The following SUCLG2 variants were observed in gnomAD, a reference collection of about 807,000 sequenced individuals.
The protein encoded by SUCLG2 is succinate-CoA ligase GDP-forming subunit beta.
Under a neutral mutation model 47.9 loss-of-function variants are expected in SUCLG2, and 42 were observed. The ratio of observed to expected loss-of-function variants is 0.88; its 90% CI spans 0.69 to 1.14. The LOEUF (loss-of-function observed/expected upper bound fraction) is 1.14. Among genes scored for constraint, SUCLG2 ranks in the 50% most tolerant of loss-of-function variants. SUCLG2 has a pLI of 0.00. For synonymous variants in SUCLG2, 195 were observed against 197.3 expected, an observed-to-expected ratio of 0.99 and a Z score of 0.10; for missense variants, 571 against 525.9, an observed-to-expected ratio of 1.09 and a Z score of -0.84.
intron 9 of SUCLG2, among the ~76,000 whole-genome samples, chr3:67,423,443 C>T (rs1703221404): frequency 6.6e-6 from 1 of 152,110 alleles, no homozygotes; most frequent in Non-Finnish European, 1.5e-5. Context: ...CCATAAAATG[C>T]ATGTTTGTAA....
At chr3:67,432,073 C>A (rs1559524143) in intron 9 of SUCLG2, among the ~76,000 whole-genome samples, 1 of 152,122 alleles carries the variant, frequency 6.6e-6, no homozygotes, top group Admixed American at 6.5e-5. Context: ...TTTGTCCCAA[C>A]TGCATTTTTC....
At chr3:67,455,800 C>A (rs968786366) in intron 9 of SUCLG2, among the ~76,000 whole-genome samples, 11 of 152,048 alleles carry the variant, frequency 7.2e-5, no homozygotes, top group Non-Finnish European at 1.5e-4. Context: ...TAGGCCTTTC[C>A]ATTTTGTTCT....
chr3:67,631,952 A>T (rs1320920237), intron 1 of SUCLG2, among the ~76,000 whole-genome samples: 1 of 152,256 alleles, frequency 6.6e-6, no homozygotes, highest in Non-Finnish European at 1.5e-5. Flanking sequence ...CATAGCAGAC[A>T]AATAATAATG....
chr3:67,413,696 T>G (rs369677036), intron 9 of SUCLG2, among the ~76,000 whole-genome samples: 1 of 152,220 alleles, frequency 6.6e-6, no homozygotes, highest in East Asian at 1.9e-4. Flanking sequence ...AAATTCCACA[T>G]GGCTTTTCTA....
intron 9 of SUCLG2, among the ~76,000 whole-genome samples, chr3:67,487,581 G>C (rs1204690666): frequency 6.8e-6 from 1 of 147,952 alleles, no homozygotes; most frequent in East Asian, 2.0e-4. Flanking sequence ...TGGAAAACTA[G>C]ACAAAAAAAA....
At chr3:67,473,426 A>ATT (rs56301831) in intron 9 of SUCLG2, among the ~76,000 whole-genome samples, 1 of 150,736 alleles carries the variant, frequency 6.6e-6, no homozygotes, top group African/African-American at 2.4e-5. Flanking sequence ...GAAATTTGTG[A>ATT]TTTTTTTTTT....
chr3:67,534,353 GA>G (rs1706482083), intron 2 of SUCLG2, among the ~76,000 whole-genome samples: 1 of 151,888 alleles, frequency 6.6e-6, no homozygotes, highest in Admixed American at 6.6e-5. Flanking sequence ...GCTTTCGACG[GA>G]ATAATTTTAA....
At chr3:67,635,536 C>T (rs1286091248) in intron 1 of SUCLG2, among the ~76,000 whole-genome samples, 1 of 152,090 alleles carries the variant, frequency 6.6e-6, no homozygotes, top group Non-Finnish European at 1.5e-5. Context: ...TTTAGCTGGG[C>T]CACTTACAGT....
chr3:67,392,885 G>C (rs1702423889), intron 10 of SUCLG2, among the ~76,000 whole-genome samples: 1 of 151,982 alleles, frequency 6.6e-6, no homozygotes, highest in Non-Finnish European at 1.5e-5. Flanking sequence ...CATGATCATA[G>C]CTTGCTGCAG....
intron 1 of SUCLG2, among the ~76,000 whole-genome samples, chr3:67,633,953 T>A (rs1700967428): frequency 6.6e-6 from 1 of 152,218 alleles, no homozygotes; most frequent in Non-Finnish European, 1.5e-5. Flanking sequence ...TATCTGTTAA[T>A]CCAGTATAAG....
intron 9 of SUCLG2, among the ~76,000 whole-genome samples, chr3:67,419,714 G>C (rs554857340): frequency 1.3e-5 from 2 of 152,178 alleles, no homozygotes; most frequent in Admixed American, 1.3e-4. Context: ...CTCCAAATAA[G>C]TGTCAAACTA....
At chr3:67,402,936 T>A (rs1292775674) in intron 9 of SUCLG2, among the ~76,000 whole-genome samples, 1 of 152,100 alleles carries the variant, frequency 6.6e-6, no homozygotes, top group Non-Finnish European at 1.5e-5. Flanking sequence ...GAGTGAGGGA[T>A]AGGAGCAAAA....
At chr3:67,477,143 C>T (rs955176689) in intron 9 of SUCLG2, among the ~76,000 whole-genome samples, 9 of 152,166 alleles carry the variant, frequency 5.9e-5, no homozygotes, top group African/African-American at 2.2e-4. Flanking sequence ...AAAGTGGCCG[C>T]ACTGTGGCAT....
At chr3:67,556,417 C>T (rs905769842) in intron 2 of SUCLG2, among the ~76,000 whole-genome samples, 8 of 152,194 alleles carry the variant, frequency 5.3e-5, no homozygotes, top group African/African-American at 1.7e-4. Context: ...CTCTCAAATG[C>T]TAACGGTTGA....
chr3:67,392,030 C>A (rs557715785), intron 10 of SUCLG2, among the ~76,000 whole-genome samples: 1 of 152,118 alleles, frequency 6.6e-6, no homozygotes, highest in Non-Finnish European at 1.5e-5. Context: ...TCAGTGCATG[C>A]CCCTGTCCTT....
chr3:67,590,948 T>TA (rs146739774), intron 2 of SUCLG2, among the ~76,000 whole-genome samples: 1,902 of 151,500 alleles, frequency 0.013, 42 homozygotes, highest in African/African-American at 0.044. Context: ...AAGTAAAAAT[T>TA]AAAAAAAAAC....
chr3:67,579,423 G>A (rs932149569), intron 2 of SUCLG2, among the ~76,000 whole-genome samples: 2 of 152,196 alleles, frequency 1.3e-5, no homozygotes, highest in Non-Finnish European at 2.9e-5. Flanking sequence ...AGTAATCATA[G>A]GCTAACACCC....
exon 11 of SUCLG2, chr3:67,360,561 AT>A (rs1391233344): frequency 9.8e-6 from 14 of 1,423,858 alleles, no homozygotes; most frequent in Non-Finnish European, 1.0e-5. Flanking sequence ...ATGTAAAAAA[AT>A]AATTTTGTGA....
At chr3:67,486,150 A>G (rs1705045121) in intron 9 of SUCLG2, among the ~76,000 whole-genome samples, 1 of 152,148 alleles carries the variant, frequency 6.6e-6, no homozygotes, top group South Asian at 2.1e-4. Flanking sequence ...CTGTAGTCCT[A>G]GCAACTCAGG....
Sources: gnomAD v4.1 joint callset for allele counts (sites outside exome capture counted in the v4.1 genomes callset) on GRCh38, gnomAD v4.1.1 for gene constraint, MANE v1.5 for transcripts, NCBI Gene and HGNC (gene_info 2026-07-23, HGNC 2026-07-21) for gene names.